HNRNPR: variants seen among roughly 807,000 people sequenced by gnomAD.
HNRNPR encodes heterogeneous nuclear ribonucleoprotein R.
In HNRNPR, 4 loss-of-function variants were observed where a neutral mutation model predicts 70.3. That is an observed-to-expected ratio of 0.06 (90% confidence interval 0.03 to 0.13). HNRNPR has a LOEUF of 0.13. HNRNPR is among the 10% of genes least tolerant of loss of function. The probability of loss-of-function intolerance (pLI) is 1.00; values close to 1 mark genes in which losing one functional copy is unlikely to be tolerated. For missense variants in HNRNPR, 423 were observed against 788.5 expected (o/e 0.54, Z 5.55); for synonymous variants, 241 against 267.6 (o/e 0.90, Z 0.97).
intron 5 of HNRNPR, among the ~76,000 whole-genome samples, chr1:23,328,487 G>GT (rs947995091): frequency 6.6e-6 from 1 of 152,058 alleles, no homozygotes. Flanking sequence ...AGCAAGTTTC[G>GT]TTTTTTGTTG....
In HNRNPR at chr1:23,310,238, G is replaced by T; in HGVS notation, c.*216C>A. ...AAAGCATTGTAATCCCCAGAATAAG[G>T]GAACTCTGCAAGCCCAATAATGTCC... On this transcript the variant is annotated 3_prime_UTR_variant, in exon 11 of 11. Transcript: ENST00000302271. This position sits in a 1 kb window ranked among gnomAD's most constrained non-coding sequence, Gnocchi z 6.0. 4.7e-6 allele frequency: 2 copies of T among 423,508 alleles called. No homozygotes were observed. The highest frequency in any genetic ancestry group is 7.9e-5 in the East Asian group (2 of 25,468). 26.2% of individuals were successfully genotyped at this position (423,508 alleles called of 1,614,324 possible). A position where few individuals can be genotyped will look rare whatever the true frequency, so the allele number is the denominator to read the frequency against.
At position 23,321,658 on chromosome 1, in the gene HNRNPR, G is replaced by A; in HGVS notation, c.681C>T (p.Asp227=). The change falls in exon 7 of 11, where the codon GAC becomes GAT. Residue 227 remains aspartate, a synonymous_variant. Coordinates refer to ENST00000302271, the MANE Select transcript of HNRNPR (RefSeq NM_005826.5). ...GTTTACCAGGGCGAATTTCATAGCT[G>A]TCACACTGCAATAAGAAAAGAACCA... ...EAAQEAVKLC[D]SYEIRPGKHL... is the part of the protein sequence containing the mutation. 1.2e-6 allele frequency: 2 copies of A among 1,606,956 alleles called. No individual in the cohort carries two copies. The highest frequency in any genetic ancestry group is 1.7e-6 in the Non-Finnish European group (2 of 1,176,446).
intron 2 of HNRNPR, among the ~76,000 whole-genome samples, chr1:23,340,025 T>A (rs1646651938): frequency 1.4e-5 from 2 of 144,686 alleles, no homozygotes; most frequent in South Asian, 2.2e-4. Context: ...GATTTAAAAA[T>A]TTTTTAAGGA....
rs202247446 is a variant in HNRNPR, at chr1:23,337,749, T to C, written c.384+5A>G. ...TTCATTACAACTACCCAAGTCAAGT[T>C]TTACCTTGATCTTCGCTTCATCAGG... On this transcript the variant is annotated splice_donor_5th_base_variant and intron_variant, in intron 4 of 10. Coordinates refer to ENST00000302271, the MANE Select transcript of HNRNPR (RefSeq NM_005826.5). 130 of 1,579,562 alleles carry C rather than the reference T, an allele frequency of 8.2e-5. No individual in the cohort carries two copies. The Admixed American group carries it at 1.2e-3, about 15-fold the overall frequency.
At chr1:23,315,287 AAAAAAAAAAAAAAAAAAAC>A (rs1645491152) in intron 8 of HNRNPR, among the ~76,000 whole-genome samples, 1 of 149,538 alleles carries the variant, frequency 6.7e-6, no homozygotes, top group African/African-American at 2.5e-5. Context: ...CTCAAAAAAA[AAAAAAAAAAAAAAAAAAAC>A]AAAAACCCAA....
chr1:23,335,727 A>G (rs1646446719), intron 4 of HNRNPR, among the ~76,000 whole-genome samples: 2 of 152,174 alleles, frequency 1.3e-5, no homozygotes, highest in Non-Finnish European at 2.9e-5. Flanking sequence ...GATCCCACTG[A>G]TTCTACATTA....
At chr1:23,323,444 A>G in intron 6 of HNRNPR, 112 bp downstream of exon 6, 1 of 1,026,722 alleles carries the variant, frequency 9.7e-7, no homozygotes, top group Admixed American at 2.3e-5. Context: ...GTATAAAAAC[A>G]TTCCAAGCAA....
At chr1:23,312,373 T>C (rs1645369536) in intron 9 of HNRNPR, among the ~76,000 whole-genome samples, 1 of 152,246 alleles carries the variant, frequency 6.6e-6, no homozygotes, top group Admixed American at 6.5e-5. Flanking sequence ...TAGGCTTCTT[T>C]GGCAAACCAT....
intron 5 of HNRNPR, among the ~76,000 whole-genome samples, chr1:23,328,010 A>AG (rs1179914431): frequency 1.4e-4 from 21 of 151,210 alleles, no homozygotes; most frequent in South Asian, 2.1e-4. Context: ...AAAAAAAAAA[A>AG]AAAGAAAAGA....
chr1:23,317,282 C>A (rs1240403521), intron 8 of HNRNPR, among the ~76,000 whole-genome samples: 1 of 152,010 alleles, frequency 6.6e-6, no homozygotes, highest in Non-Finnish European at 1.5e-5. Context: ...CATGGTGAAA[C>A]CCCGTCTCTA....
chr1:23,332,904 C>T (rs1179488487), intron 5 of HNRNPR, among the ~76,000 whole-genome samples: 2 of 151,752 alleles, frequency 1.3e-5, no homozygotes, highest in African/African-American at 4.8e-5. Flanking sequence ...AAAAAAGCAG[C>T]CGGGTGTGGA....
rs574338473 is a variant in HNRNPR at position 23,325,449 on chromosome 1, C to A, written c.499-1717G>T. On this transcript the variant is annotated intron_variant, in intron 5 of 10. Coordinates refer to ENST00000302271, the MANE Select transcript of HNRNPR (RefSeq NM_005826.5). The stretch of plus-strand genomic sequence containing the variant: ...GCTATCTGGTAAAACTTGAGGTATT[C>A]TTTTGACTCCTTGGCATGATTCTCA... Among the ~76,000 whole-genome samples, 4 of 152,244 alleles carry A rather than the reference C, an allele frequency of 2.6e-5. No homozygotes were observed. The South Asian group carries it at 8.3e-4, about 32-fold the overall frequency.
chr1:23,340,325 G>A (rs1456377663), intron 2 of HNRNPR, among the ~76,000 whole-genome samples: 1 of 147,062 alleles, frequency 6.8e-6, no homozygotes, highest in Admixed American at 6.7e-5. Flanking sequence ...AAAAAAAAAA[G>A]AAGCAGCTGT....
chr1:23,305,871 C>T lies in HNRNPR; in HGVS notation c.*4583G>A, dbSNP rs1331935534. On this transcript the variant is annotated 3_prime_UTR_variant, in exon 11 of 11. Transcript: ENST00000302271. Reference sequence around the variant, plus strand: ...CCAAAGTCATTGTCTCAACATATCTCTAAATTGAGGCCATTATTGTCAAAC... The same window carrying T: ...CCAAAGTCATTGTCTCAACATATCTTTAAATTGAGGCCATTATTGTCAAAC... 1 of 152,156 alleles carries T rather than the reference C, an allele frequency of 6.6e-6. No individual in the cohort carries two copies. The highest frequency in any genetic ancestry group is 1.9e-4 in the East Asian group (1 of 5,204). The allele number at this position is 152,156 out of a possible 1,614,324, so 9.4% of individuals were successfully genotyped here. A position where few individuals can be genotyped will look rare whatever the true frequency, so the allele number is the denominator to read the frequency against.
intron 9 of HNRNPR, chr1:23,311,855 A>C (rs1035837986): frequency 6.6e-6 from 1 of 152,630 alleles, no homozygotes; most frequent in Non-Finnish European, 1.5e-5. Context: ...AACACAAAAA[A>C]GCCTAGGTTT....
At position 23,318,616 on chromosome 1, in the gene HNRNPR, T is replaced by G. The variant is rs1018125717; in HGVS notation, c.884A>C (p.Glu295Ala). The change falls in exon 8 of 11, where the codon GAA (glutamate) becomes GCA (alanine). Residue 295 changes from glutamate (E) to alanine (A), a missense_variant. Around this residue, in one of 7 missense-constraint regions of HNRNPR, gnomAD observed 46 missense variants for 164.6 expected, o/e 0.28. Transcript: ENST00000302271. This position sits in a 1 kb window ranked among gnomAD's most constrained non-coding sequence, Gnocchi z 4.2. The stretch of plus-strand genomic sequence containing the variant: ...TGCTGCTGACTTGTGATCCTCATAT[T>G]CAAGGAAGCAGAACCCCCGATTCTT... ...KKKNRGFCFLEYEDHKSAAQA... is the reference protein window; with the variant it reads ...KKKNRGFCFLAYEDHKSAAQA... 1.2e-6 allele frequency: 2 copies of G among 1,614,164 alleles called. No individual in the cohort carries two copies.
rs1366165142 is a variant in HNRNPR at position 23,310,607 on chromosome 1, G to A, written c.1749C>T (p.Ser583=). Residue 583 remains serine (S), a synonymous_variant, in exon 11 of 11, where the codon TCC becomes TCT. Transcript: ENST00000302271. This position sits in a 1 kb window ranked among gnomAD's most constrained non-coding sequence, Gnocchi z 6.0. ...RKADGYNQPD[S]KRRQTNNQQN... ...GTTGGTTGTTGGTCTGACGACGCTT[G>A]GAATCAGGCTGGTTGTACCCATCTG... 4 of 1,614,158 alleles carry A rather than the reference G, an allele frequency of 2.5e-6. No homozygotes were observed. The highest frequency in any genetic ancestry group is 3.4e-6 in the Non-Finnish European group (4 of 1,180,012).
At chr1:23,338,204 T>A (rs1646575643) in intron 3 of HNRNPR, 1 of 312,054 alleles carries the variant, frequency 3.2e-6, no homozygotes, top group Non-Finnish European at 5.8e-6. Context: ...CCCCAAATGT[T>A]AAAAAGCTGA....
At chr1:23,321,469 A>G (rs541027941) in intron 7 of HNRNPR, 59 bp downstream of exon 7, 2 of 1,407,224 alleles carry the variant, frequency 1.4e-6, no homozygotes, top group South Asian at 2.6e-5. Flanking sequence ...TTTTTTGAGC[A>G]CTTGTAAGTA....
Sources: gnomAD v4.1 joint callset for allele counts (sites outside exome capture counted in the v4.1 genomes callset) on GRCh38, gnomAD v4.1.1 for gene constraint, gnomAD v4.1.1 regional missense constraint, Gnocchi (gnomAD v3.1) non-coding constraint, MANE v1.5 for transcripts, NCBI Gene and HGNC (gene_info 2026-07-23, HGNC 2026-07-21) for gene names.